Variants in RCC2 observed in about 807,000 individuals in gnomAD.
The protein encoded by RCC2 is protein RCC2.
A neutral mutation model predicts 64.1 loss-of-function variants in RCC2; 19 were observed. The observed-to-expected ratio is 0.30, with a 90% CI of 0.21 to 0.44. The LOEUF is 0.44. RCC2 is among the 20% of genes least tolerant of loss of function. RCC2 has a pLI of 1.00. For missense variants in RCC2, 508 were observed against 710.4 expected, an observed-to-expected ratio of 0.72 and a Z score of 3.24; for synonymous variants, 325 against 279.6, an observed-to-expected ratio of 1.16 and a Z score of -1.62.
chr1:17,432,514 G>A (rs759666718), intron 2 of RCC2, among the ~76,000 whole-genome samples: 15 of 152,182 alleles, frequency 9.9e-5, no homozygotes, highest in Admixed American at 1.3e-4. Flanking sequence ...GGAGGTTCAT[G>A]GGCACCTGTG....
intron 4 of RCC2, 104 bp downstream of exon 4, chr1:17,425,437 C>A: frequency 8.2e-7 from 1 of 1,220,210 alleles, no homozygotes; most frequent in Non-Finnish European, 1.1e-6. Flanking sequence ...AGGAGCCCAG[C>A]CTTATAAGAC....
intron 7 of RCC2, among the ~76,000 whole-genome samples, chr1:17,419,794 G>T (rs992723727): frequency 3.9e-5 from 6 of 152,244 alleles, no homozygotes; most frequent in Non-Finnish European, 5.9e-5. Context: ...GGGCACCGCA[G>T]CAGGGCTGTG....
intron 8 of RCC2, 106 bp from the exon 9 acceptor site, chr1:17,413,823 G>A: frequency 2.9e-6 from 3 of 1,024,200 alleles, no homozygotes; most frequent in Admixed American, 4.8e-5. Context: ...TAAGGGCAAA[G>A]GAACAGCAAC....
intron 7 of RCC2, among the ~76,000 whole-genome samples, chr1:17,417,683 CA>C (rs897584775): frequency 1.1e-3 from 158 of 147,578 alleles, no homozygotes; most frequent in African/African-American, 3.4e-3. Context: ...TTTCTGTCTC[CA>C]AAAAAAAACA....
chr1:17,436,947 C>T (rs2075741257), intron 2 of RCC2, among the ~76,000 whole-genome samples: 1 of 152,302 alleles, frequency 6.6e-6, no homozygotes, highest in East Asian at 1.9e-4. Flanking sequence ...TGATCCAAGA[C>T]CCCGGGCAAG....
chr1:17,431,347 AAAAAAAAAAAAAATATAT>A (rs2075674576), intron 2 of RCC2, among the ~76,000 whole-genome samples: 1 of 53,022 alleles, frequency 1.9e-5, no homozygotes, highest in South Asian at 6.3e-4. Context: ...AAAAAAAAAA[AAAAAAAAAAAAAATATAT>A]ATATATATAT....
In RCC2 at chr1:17,434,443, G is replaced by A. The variant is rs184961525; in HGVS notation, c.285+3787C>T. Among the ~76,000 whole-genome samples the A allele has an allele frequency of 7.3e-4, 111 of 152,218 alleles. 1 individual carries two copies. The highest frequency in any genetic ancestry group is 1.4e-3 in the Non-Finnish European group (94 of 68,034). On this transcript the variant is annotated intron_variant, in intron 2 of 12. Transcript: ENST00000375436. ...CAGGTGGGTGGTCTGCAGAGGGCAC[G>A]GAAACACAGTGCCCCTTCTGCCACA...
intron 3 of RCC2, among the ~76,000 whole-genome samples, chr1:17,427,918 C>A (rs927884086): frequency 6.6e-6 from 1 of 152,288 alleles, no homozygotes; most frequent in East Asian, 1.9e-4. Flanking sequence ...CCACGGCCTC[C>A]GGATCCCTGG....
At chr1:17,410,144 C>A in intron 11 of RCC2, 93 bp from the exon 12 acceptor site, 1 of 1,118,696 alleles carries the variant, frequency 8.9e-7, no homozygotes, top group Non-Finnish European at 1.3e-6. Context: ...CCCCCACTAA[C>A]CAGAAGCCAG....
chr1:17,411,023 G>A (rs368559264), intron 11 of RCC2, among the ~76,000 whole-genome samples: 5 of 152,016 alleles, frequency 3.3e-5, no homozygotes, highest in Non-Finnish European at 2.9e-5. Context: ...GCAGAGCCCC[G>A]AGAAAAAGGT....
At chr1:17,435,918 CAAAAAAAAA>C (rs57932179) in intron 2 of RCC2, among the ~76,000 whole-genome samples, 1 of 88,256 alleles carries the variant, frequency 1.1e-5, no homozygotes, top group Non-Finnish European at 2.4e-5. Flanking sequence ...AACTCCAGCT[CAAAAAAAAA>C]AAAAAAAAAG....
In RCC2 at chr1:17,438,465, C is replaced by T. The variant is rs983113570; in HGVS notation, c.50G>A (p.Gly17Asp). 1.5e-6 allele frequency: 2 copies of T among 1,327,026 alleles called. No individual in the cohort carries two copies. The highest frequency in any genetic ancestry group is 1.9e-6 in the Non-Finnish European group (2 of 1,042,642). The allele number at this position is 1,327,026 out of a possible 1,614,324, so 82.2% of individuals were successfully genotyped here. ...AAAAWEEPSS[G>D]NGTARAGPRK... is the part of the protein sequence containing the mutation. The stretch of plus-strand genomic sequence containing the variant: ...GGGCCCGGCGCGGGCAGTGCCGTTG[C>T]CCGAGCTCGGCTCCTCCCAGGCCGC... Residue 17 changes from glycine to aspartate, a missense_variant, in exon 2 of 13, where the codon GGC (glycine) becomes GAC (aspartate). Transcript: ENST00000375436.
intron 6 of RCC2, 144 bp from the exon 7 acceptor site, chr1:17,420,972 C>A: frequency 1.6e-6 from 1 of 621,104 alleles, no homozygotes; most frequent in Non-Finnish European, 2.9e-6. Context: ...AAGCTGAAGG[C>A]ATTTCTAGAA....
Position 17,409,215 on chromosome 1 carries a change from T to C in RCC2, c.1465-21A>G, listed in dbSNP as rs368995263. The C allele has an allele frequency of 4.2e-4, 645 of 1,520,382 alleles. 7 individuals are homozygous for C. The South Asian group carries it at 6.8e-3, about 16-fold the overall frequency. 94.2% of individuals were successfully genotyped at this position (1,520,382 alleles called of 1,614,324 possible). ...GCGACCTGGGGGGACAAATCAGCGT[T>C]GGGTGTGCCTGAGGCGCCTGGACTA... On this transcript the variant is annotated intron_variant, in intron 12 of 12. Coordinates refer to ENST00000375436, the MANE Select transcript of RCC2 (RefSeq NM_018715.4).
At chr1:17,424,410 T>A (rs973846903) in intron 4 of RCC2, among the ~76,000 whole-genome samples, 1 of 152,032 alleles carries the variant, frequency 6.6e-6, no homozygotes, top group Non-Finnish European at 1.5e-5. Context: ...AACACTGACA[T>A]AAAAGGCTGT....
At position 17,436,320 on chromosome 1, in the gene RCC2, A is replaced by G. The variant is rs143738445; in HGVS notation, c.285+1910T>C. Among the ~76,000 whole-genome samples the G allele has an allele frequency of 4.0e-3, 603 of 152,286 alleles. 3 individuals are homozygous for G. Among genetic ancestry groups the G allele is most frequent in the African/African-American group, 0.014 (563 of 41,562 alleles). Reference sequence around the variant, plus strand: ...GCAGTTTGAGACCAGCCTGGCCAACATGGTAAAACCCAGCCTCTACAAAAA... The same window carrying G: ...GCAGTTTGAGACCAGCCTGGCCAACGTGGTAAAACCCAGCCTCTACAAAAA... On this transcript the variant is annotated intron_variant, in intron 2 of 12. Transcript: ENST00000375436.
chr1:17,413,698 T>C lies in RCC2; in HGVS notation c.1046A>G (p.Lys349Arg). Residue 349 changes from lysine (K) to arginine (R), a missense_variant, in exon 9 of 13, where the codon AAG (lysine) becomes AGG (arginine). Lys to Arg is a conservative substitution (Grantham distance 26). Transcript: ENST00000375436. ...ACCAAAGCCCCAGGAGAAGACTCGC[T>C]TCTGGGAGTCCAGGACCAGCTGCAA... ...ANHTLVLDSQ[K>R]RVFSWGFGGY... The C allele has an allele frequency of 6.2e-7, 1 of 1,612,996 alleles. No individual in the cohort carries two copies.
chr1:17,413,497 C>A, intron 9 of RCC2, 40 bp downstream of exon 9: 1 of 1,601,974 alleles, frequency 6.2e-7, no homozygotes, highest in Non-Finnish European at 8.6e-7. Context: ...CACGGTTCCG[C>A]ACCAGAGCAC....
chr1:17,413,322 C>T, intron 9 of RCC2, 144 bp from the exon 10 acceptor site: 1 of 823,022 alleles, frequency 1.2e-6, no homozygotes, highest in Non-Finnish European at 2.0e-6. Context: ...TGGTGGCGTG[C>T]CTGTGCAGTC....
Sources: allele counts gnomAD v4.1 joint callset (sites outside exome capture counted in the v4.1 genomes callset), GRCh38; gene constraint gnomAD v4.1.1; transcripts MANE v1.5; gene names NCBI Gene and HGNC (gene_info 2026-07-23, HGNC 2026-07-21).